Variants in AMBRA1 observed in about 807,000 individuals in gnomAD.
The protein encoded by AMBRA1 is activating molecule in BECN1-regulated autophagy protein 1.
A neutral mutation model predicts 125.4 loss-of-function variants in AMBRA1; 47 were observed. The ratio of observed to expected loss-of-function variants is 0.37; its 90% CI spans 0.30 to 0.48. AMBRA1 has a LOEUF of 0.48. Ranked by LOEUF, AMBRA1 falls within the 20% of genes least tolerant of loss-of-function variation. AMBRA1 has a pLI of 0.99. For missense variants in AMBRA1, 1,331 were observed against 1,693.4 expected (o/e 0.79, Z 3.76); for synonymous variants, 626 against 655.5 (o/e 0.95, Z 0.69).
chr11:46,527,552 A>C (rs1952032698), intron 7 of AMBRA1, among the ~76,000 whole-genome samples: 1 of 151,504 alleles, frequency 6.6e-6, no homozygotes, highest in Non-Finnish European at 1.5e-5. Context: ...TATATCAGAT[A>C]AATGTTTAAT....
chr11:46,429,998 A>C (rs1947377082), intron 14 of AMBRA1, among the ~76,000 whole-genome samples: 3 of 152,164 alleles, frequency 2.0e-5, no homozygotes, highest in Admixed American at 1.3e-4. Context: ...GGGAAGGGAG[A>C]GAGAAAATAT....
rs1343326516 is a variant in AMBRA1, at chr11:46,475,188, G to A, written c.2521+18420C>T. 2.0e-5 allele frequency among the ~76,000 whole-genome samples: 3 copies of A among 152,216 alleles called. No individual in the cohort carries two copies. The East Asian group carries it at 5.8e-4, about 29-fold the overall frequency. ...CAGCCTATCTGGCAGGCAGCCTCCA[G>A]CGCCCAGTGCTACCTATAACTTGGA... On this transcript the variant is annotated intron_variant, in intron 11 of 17. Transcript: ENST00000683756.
chr11:46,558,346 C>G (rs953260148), intron 1 of AMBRA1, among the ~76,000 whole-genome samples: 3 of 152,002 alleles, frequency 2.0e-5, no homozygotes, highest in Non-Finnish European at 4.4e-5. Flanking sequence ...GTCAGGAGTG[C>G]GAGACCAGCC....
intron 1 of AMBRA1, among the ~76,000 whole-genome samples, chr11:46,578,564 CAAAGTAT>C (rs1420133858): frequency 6.6e-6 from 1 of 151,338 alleles, no homozygotes; most frequent in African/African-American, 2.4e-5. Flanking sequence ...AGACTCTGGG[CAAAGTAT>C]ATAAATCACA....
Position 46,397,582 on chromosome 11 carries a change from G to A in AMBRA1, c.3765C>T (p.Pro1255=), listed in dbSNP as rs780837593. The A allele has an allele frequency of 5.7e-6, 9 of 1,590,914 alleles. No homozygotes were observed. Among genetic ancestry groups the A allele is most frequent in the Admixed American group, 1.7e-5 (1 of 57,644 alleles). The change falls in exon 18 of 18, where the codon CCC becomes CCT. Residue 1255 remains proline, a synonymous_variant. Coordinates refer to ENST00000683756, the MANE Select transcript of AMBRA1 (RefSeq NM_001387011.1). ...QPTLPSSSPV[P]IPVSLPSAEG... Reference sequence around the variant, plus strand: ...CAGCGCTGGGAAGGGAAACAGGAATGGGGACAGGGGAGGAAGAGGGCAGGG... The same window carrying A: ...CAGCGCTGGGAAGGGAAACAGGAATAGGGACAGGGGAGGAAGAGGGCAGGG...
At chr11:46,533,663 A>G (rs1952323610) in intron 7 of AMBRA1, among the ~76,000 whole-genome samples, 1 of 152,218 alleles carries the variant, frequency 6.6e-6, no homozygotes, top group East Asian at 1.9e-4. Context: ...AAAAGTGTGC[A>G]GAGTTGGCCT....
rs190571218 is a variant in AMBRA1, at chr11:46,576,730, C to A, written c.-121+17098G>T. 3.9e-3 allele frequency among the ~76,000 whole-genome samples: 594 copies of A among 152,246 alleles called. 3 individuals are homozygous for A. The highest frequency in any genetic ancestry group is 0.014 in the African/African-American group (580 of 41,542). ...GCTTAACACCACCTGAACAATATCC[C>A]TCCAAGAGATTATAAAATATAGGAA... On this transcript the variant is annotated intron_variant, in intron 1 of 17. Coordinates refer to ENST00000683756, the MANE Select transcript of AMBRA1 (RefSeq NM_001387011.1).
rs1424849963 is a variant in AMBRA1 at position 46,429,163 on chromosome 11, C to T, written c.2976+4311G>A. On this transcript the variant is annotated intron_variant, in intron 14 of 17. Coordinates refer to ENST00000683756, the MANE Select transcript of AMBRA1 (RefSeq NM_001387011.1). The stretch of plus-strand genomic sequence containing the variant: ...TAGGCATCAACATCTGGCAGGTCTC[C>T]GCCACGCACTGGCTTCATCCTCCCC... 1.2e-5 allele frequency: 19 copies of T among 1,561,444 alleles called. 1 individual carries two copies. Among genetic ancestry groups the T allele is most frequent in the South Asian group, 4.6e-5 (4 of 86,520 alleles).
At chr11:46,430,225 GA>G (rs1055221685) in intron 14 of AMBRA1, among the ~76,000 whole-genome samples, 17 of 152,286 alleles carry the variant, frequency 1.1e-4, no homozygotes, top group African/African-American at 3.6e-4. Context: ...GTGAGGCGCA[GA>G]CAGCCAAAAA....
intron 15 of AMBRA1, among the ~76,000 whole-genome samples, chr11:46,413,893 GAGT>G (rs907615807): frequency 9.2e-5 from 14 of 152,182 alleles, no homozygotes; most frequent in African/African-American, 3.4e-4. Context: ...GAGGGTGAAT[GAGT>G]CACTGTTTGC....
intron 11 of AMBRA1, among the ~76,000 whole-genome samples, chr11:46,445,098 A>G (rs1344412288): frequency 6.6e-6 from 1 of 151,722 alleles, no homozygotes; most frequent in Non-Finnish European, 1.5e-5. Context: ...AAAAAAACTT[A>G]GTGTAATCAT....
At chr11:46,449,151 CCAATA>C (rs1043125388) in intron 11 of AMBRA1, among the ~76,000 whole-genome samples, 12 of 152,134 alleles carry the variant, frequency 7.9e-5, no homozygotes, top group Admixed American at 2.6e-4. Context: ...CCCCTTCTTA[CCAATA>C]CTTTTCAACA....
At chr11:46,410,750 A>C (rs1412841284) in intron 15 of AMBRA1, among the ~76,000 whole-genome samples, 3 of 152,240 alleles carry the variant, frequency 2.0e-5, no homozygotes, top group Admixed American at 2.0e-4. Flanking sequence ...AGTGAGGCCC[A>C]CTGGAGAGAT....
chr11:46,504,296 G>A (rs1323524419), intron 9 of AMBRA1, among the ~76,000 whole-genome samples: 2 of 152,186 alleles, frequency 1.3e-5, no homozygotes, highest in Non-Finnish European at 2.9e-5. Flanking sequence ...CACCTCTTTT[G>A]TAGGCCTTAG....
intron 1 of AMBRA1, among the ~76,000 whole-genome samples, chr11:46,560,901 A>G (rs2135237829): frequency 6.6e-6 from 1 of 152,254 alleles, no homozygotes; most frequent in South Asian, 2.1e-4. Context: ...AAACAGACCT[A>G]ATGACTTTGG....
chr11:46,459,542 C>T (rs531865640), intron 11 of AMBRA1, among the ~76,000 whole-genome samples: 4 of 152,118 alleles, frequency 2.6e-5, no homozygotes, highest in Non-Finnish European at 5.9e-5. Flanking sequence ...GAAACCCCGT[C>T]TCTACTAAAA....
chr11:46,445,294 T>G (rs1242388045), intron 11 of AMBRA1, among the ~76,000 whole-genome samples: 2 of 152,130 alleles, frequency 1.3e-5, no homozygotes, highest in Non-Finnish European at 2.9e-5. Flanking sequence ...CAAGACATCC[T>G]TTAAAATCTT....
At chr11:46,590,508 TAATC>T (rs1421406995) in intron 1 of AMBRA1, among the ~76,000 whole-genome samples, 10 of 151,780 alleles carry the variant, frequency 6.6e-5, no homozygotes, top group South Asian at 2.1e-4. Context: ...TTAATAAAAA[TAATC>T]AATTGTTTTC....
intron 1 of AMBRA1, among the ~76,000 whole-genome samples, chr11:46,569,798 C>T (rs1206062435): frequency 2.0e-5 from 3 of 151,276 alleles, no homozygotes; most frequent in Non-Finnish European, 4.4e-5. Flanking sequence ...CCCATCTCTA[C>T]TAAAAATACA....
Sources: allele counts gnomAD v4.1 joint callset (sites outside exome capture counted in the v4.1 genomes callset), GRCh38; gene constraint gnomAD v4.1.1; transcripts MANE v1.5; gene names NCBI Gene and HGNC (gene_info 2026-07-23, HGNC 2026-07-21).